The following MYO3A variants were observed in gnomAD, a reference collection of about 807,000 sequenced individuals.
The protein encoded by MYO3A is myosin-IIIa.
MYO3A carries 180 observed loss-of-function variants against 192.7 expected under a neutral mutation model. The observed-to-expected ratio is 0.93, with a 90% CI of 0.83 to 1.06. The LOEUF (loss-of-function observed/expected upper bound fraction) is 1.06. Ranked by LOEUF, MYO3A falls within the 50% of genes least tolerant of loss-of-function variation. MYO3A has a pLI of 0.00. For synonymous variants in MYO3A, 628 were observed against 645.3 expected (o/e 0.97, Z 0.41); for missense variants, 1,896 against 1,905.0 (o/e 1.00, Z 0.09).
intron 17 of MYO3A, among the ~76,000 whole-genome samples, chr10:26,098,875 G>T (rs983795709): frequency 1.3e-5 from 2 of 152,182 alleles, no homozygotes; most frequent in Non-Finnish European, 2.9e-5. Context: ...TTTTGGCTTA[G>T]AATTGTCTTG....
intron 10 of MYO3A, among the ~76,000 whole-genome samples, chr10:26,031,964 A>G (rs1242319091): frequency 6.6e-6 from 1 of 152,218 alleles, no homozygotes; most frequent in African/African-American, 2.4e-5. Flanking sequence ...CCTTTTTTTG[A>G]AAGTCATATT....
At chr10:26,049,661 CTTTCTTTCTTTCT>C (rs1259781236) in intron 10 of MYO3A, among the ~76,000 whole-genome samples, 8 of 104,604 alleles carry the variant, frequency 7.6e-5, no homozygotes, top group Admixed American at 2.0e-4. Context: ...TTCTTTCTTT[CTTTCTTTCTTTCT>C]TTTTTTTTTT....
At chr10:26,067,720 G>T (rs1834939310) in intron 11 of MYO3A, among the ~76,000 whole-genome samples, 2 of 152,150 alleles carry the variant, frequency 1.3e-5, no homozygotes, top group Admixed American at 1.3e-4. Flanking sequence ...TTAAATTCTA[G>T]TCTCAGCCTA....
At position 26,173,701 on chromosome 10, in the gene MYO3A, C is replaced by G; in HGVS notation, c.3437C>G (p.Ser1146Cys). The G allele has an allele frequency of 1.2e-6, 2 of 1,613,872 alleles. No homozygotes were observed. Among genetic ancestry groups the G allele is most frequent in the Non-Finnish European group, 1.7e-6 (2 of 1,179,902 alleles). Residue 1146 changes from serine to cysteine, a missense_variant, in exon 30 of 35, where the codon TCT (serine) becomes TGT (cysteine). Coordinates refer to ENST00000642920, the MANE Select transcript of MYO3A (RefSeq NM_017433.5). ...AAGAAACAAGCAGAAAATGCAATCT[C>G]TGCTAATGAAAGATTCATTTCAGCT... is the stretch of plus-strand genomic sequence containing the variant. ...FVKKQAENAI[S>C]ANERFISAPN...
At chr10:26,101,711 T>G (rs577463987) in intron 17 of MYO3A, among the ~76,000 whole-genome samples, 8 of 152,258 alleles carry the variant, frequency 5.3e-5, no homozygotes, top group South Asian at 2.1e-4. Flanking sequence ...CTTTAAGAAT[T>G]TTGAATATTG....
At chr10:26,045,149 A>T (rs905496232) in intron 10 of MYO3A, among the ~76,000 whole-genome samples, 11 of 152,218 alleles carry the variant, frequency 7.2e-5, no homozygotes, top group Non-Finnish European at 8.8e-5. Flanking sequence ...CCATCTGCCC[A>T]GCAAAGTGGG....
intron 31 of MYO3A, 70 bp downstream of exon 31, chr10:26,176,915 C>G: frequency 6.5e-7 from 1 of 1,544,732 alleles, no homozygotes. Context: ...ATTAGTTTCC[C>G]ACCATTATTC....
Position 26,173,628 on chromosome 10 carries a change from G to A in MYO3A, c.3399-35G>A, listed in dbSNP as rs11014983. On this transcript the variant is annotated intron_variant, in intron 29 of 34. Transcript: ENST00000642920. Reference sequence around the variant, plus strand: ...AATAGAAGTAATAAGCTCCAGTTTAGTACTGTATATTCAAAGATAATATAT... The same window carrying A: ...AATAGAAGTAATAAGCTCCAGTTTAATACTGTATATTCAAAGATAATATAT... The A allele has an allele frequency of 0.15, 239,382 of 1,578,710 alleles. 20,180 individuals carry two copies. The highest frequency in any genetic ancestry group is 0.32 in the East Asian group (14,446 of 44,564).
intron 2 of MYO3A, among the ~76,000 whole-genome samples, chr10:25,941,892 A>G (rs926178355): frequency 4.6e-5 from 7 of 152,130 alleles, no homozygotes; most frequent in African/African-American, 1.7e-4. Context: ...TTCTCAACAT[A>G]ACGTCTTCTC....
intron 30 of MYO3A, 139 bp from the exon 31 acceptor site, chr10:26,176,562 T>A: frequency 2.7e-6 from 2 of 727,644 alleles, no homozygotes; most frequent in South Asian, 3.3e-5. Flanking sequence ...CAGACCTTGG[T>A]GCAAGGGACA....
chr10:26,112,798 C>T (rs1026998529), intron 17 of MYO3A, among the ~76,000 whole-genome samples: 1 of 152,078 alleles, frequency 6.6e-6, no homozygotes, highest in Non-Finnish European at 1.5e-5. Context: ...TCTCTGAAAC[C>T]GTTAAACCAT....
At chr10:26,164,809 G>A (rs986568967) in intron 26 of MYO3A, among the ~76,000 whole-genome samples, 1 of 152,170 alleles carries the variant, frequency 6.6e-6, no homozygotes, top group Non-Finnish European at 1.5e-5. Context: ...GCCTAAGGGT[G>A]GCTCCTGCGA....
intron 2 of MYO3A, among the ~76,000 whole-genome samples, chr10:25,947,389 CTTTTTT>C (rs869281200): frequency 6.5e-5 from 6 of 91,868 alleles, no homozygotes; most frequent in Non-Finnish European, 1.0e-4. Flanking sequence ...TTTTCTTTTT[CTTTTTT>C]TTTTTTTTTT....
chr10:26,154,666 A>G, intron 24 of MYO3A, 80 bp from the exon 25 acceptor site: 1 of 1,302,172 alleles, frequency 7.7e-7, no homozygotes, highest in Admixed American at 1.8e-5. Flanking sequence ...AGATAGCCTG[A>G]AGGAAAATGC....
Position 26,052,791 on chromosome 10 carries a change from A to G in MYO3A, c.954-14184A>G, listed in dbSNP as rs116445107. On this transcript the variant is annotated intron_variant, in intron 10 of 34. Transcript: ENST00000642920. ...TGTTTCATTACAACAGTACAACTAA[A>G]TAGTAAGGATAAAAATTTAACATCA... 8.3e-3 allele frequency among the ~76,000 whole-genome samples: 1,264 copies of G among 152,306 alleles called. 16 individuals carry two copies. The highest frequency in any genetic ancestry group is 0.029 in the African/African-American group (1,187 of 41,572).
intron 6 of MYO3A, among the ~76,000 whole-genome samples, chr10:26,013,109 T>C (rs1448062115): frequency 2.6e-5 from 4 of 152,148 alleles, no homozygotes; most frequent in Non-Finnish European, 5.9e-5. Flanking sequence ...TCTCTCACCT[T>C]ATACAAAAAG....
chr10:25,959,344 T>C (rs1837770425), intron 4 of MYO3A, among the ~76,000 whole-genome samples: 1 of 152,084 alleles, frequency 6.6e-6, no homozygotes, highest in Non-Finnish European at 1.5e-5. Context: ...TTCACTTGAG[T>C]AATAAAAAAC....
At chr10:26,208,062 T>G (rs1234420198) in intron 34 of MYO3A, among the ~76,000 whole-genome samples, 5 of 152,104 alleles carry the variant, frequency 3.3e-5, no homozygotes, top group African/African-American at 4.8e-5. Context: ...ATTTTTTTTT[T>G]GATAGTTCAT....
At chr10:26,172,710 C>G (rs1280534198) in intron 29 of MYO3A, among the ~76,000 whole-genome samples, 1 of 152,172 alleles carries the variant, frequency 6.6e-6, no homozygotes, top group Admixed American at 6.5e-5. Context: ...GATGCCCTAC[C>G]TAGTTTTTTG....
Sources: allele counts gnomAD v4.1 joint callset (sites outside exome capture counted in the v4.1 genomes callset), GRCh38; gene constraint gnomAD v4.1.1; transcripts MANE v1.5; gene names NCBI Gene and HGNC (gene_info 2026-07-23, HGNC 2026-07-21).